The following MYO1E variants were observed in gnomAD, a reference collection of about 807,000 sequenced individuals.
The protein encoded by MYO1E is myosin IE, also known as unconventional myosin-Ie.
MYO1E carries 68 observed loss-of-function variants against 151.1 expected under a neutral mutation model. That is an observed-to-expected ratio of 0.45 (90% confidence interval 0.37 to 0.55). The LOEUF (loss-of-function observed/expected upper bound fraction) is 0.55, where lower values mean the gene tolerates loss of function less well. Ranked by LOEUF, MYO1E falls within the 20% of genes least tolerant of loss-of-function variation. The pLI is 0.00. For missense variants in MYO1E, 1,363 were observed against 1,389.3 expected, an observed-to-expected ratio of 0.98 and a Z score of 0.30; for synonymous variants, 601 against 501.7, an observed-to-expected ratio of 1.20 and a Z score of -2.64.
At chr15:59,217,346 A>T (rs62004155) in intron 10 of MYO1E, among the ~76,000 whole-genome samples, 8,054 of 151,944 alleles carry the variant, frequency 0.053, 275 homozygotes, top group Non-Finnish European at 0.079. Flanking sequence ...GCTTTACTAA[A>T]TATTTTGTCC....
chr15:59,178,249 A>C lies in MYO1E; in HGVS notation c.2049+144T>G, dbSNP rs1288051652. 18 of 1,014,258 alleles carry C rather than the reference A, an allele frequency of 1.8e-5. No homozygotes were observed. The East Asian group carries it at 4.6e-4, about 26-fold the overall frequency. The allele number at this position is 1,014,258 out of a possible 1,614,324, so 62.8% of individuals were successfully genotyped here. On this transcript the variant is annotated intron_variant, in intron 19 of 27. Transcript: ENST00000288235. ...GTTTAGGGAAGGACCCACTTAGACC[A>C]GGAAGGGAGGGAAGGCTTCTTTGAG...
intron 26 of MYO1E, among the ~76,000 whole-genome samples, chr15:59,149,551 G>A (rs1281524855): frequency 2.0e-5 from 3 of 152,176 alleles, no homozygotes; most frequent in African/African-American, 7.2e-5. Context: ...GCAATGAAAG[G>A]GTAAAGAATC....
chr15:59,356,734 C>T (rs184657839), intron 1 of MYO1E, among the ~76,000 whole-genome samples: 1 of 152,122 alleles, frequency 6.6e-6, no homozygotes, highest in East Asian at 1.9e-4. Flanking sequence ...TGTAACACCA[C>T]AACCGGCTAT....
chr15:59,164,046 G>C (rs572432512), intron 22 of MYO1E, among the ~76,000 whole-genome samples: 6 of 152,358 alleles, frequency 3.9e-5, no homozygotes, highest in African/African-American at 9.6e-5. Context: ...AGGGGAGCAG[G>C]TGTTACAAGC....
At chr15:59,284,495 G>C (rs1192258096) in intron 1 of MYO1E, among the ~76,000 whole-genome samples, 1 of 151,620 alleles carries the variant, frequency 6.6e-6, no homozygotes. Context: ...TGTCACCCAG[G>C]CTGGAGTGCT....
intron 10 of MYO1E, 111 bp downstream of exon 10, chr15:59,217,779 TG>T: frequency 8.3e-7 from 1 of 1,198,532 alleles, no homozygotes; most frequent in Non-Finnish European, 1.2e-6. Flanking sequence ...CCTCCCACCT[TG>T]GCCTCTCAAA....
chr15:59,205,321 C>T (rs2079826310), intron 15 of MYO1E, 79 bp downstream of exon 15: 2 of 1,383,412 alleles, frequency 1.4e-6, no homozygotes, highest in African/African-American at 1.4e-5. Context: ...CACCACCACA[C>T]CCAGCTCATA....
chr15:59,272,784 C>G (rs534018268), intron 1 of MYO1E, among the ~76,000 whole-genome samples: 9 of 152,278 alleles, frequency 5.9e-5, no homozygotes, highest in Non-Finnish European at 1.2e-4. Flanking sequence ...TAAACAGTGT[C>G]AGGAATACAG....
At chr15:59,323,168 C>CAAAA (rs10569332) in intron 1 of MYO1E, among the ~76,000 whole-genome samples, 89 of 63,650 alleles carry the variant, frequency 1.4e-3, no homozygotes, top group African/African-American at 2.7e-3. Context: ...GACCCCATCA[C>CAAAA]AAAAAAAAAA....
chr15:59,312,551 T>C (rs1442182159), intron 1 of MYO1E, among the ~76,000 whole-genome samples: 2 of 152,180 alleles, frequency 1.3e-5, no homozygotes, highest in Non-Finnish European at 1.5e-5. Flanking sequence ...TCACCCTGGC[T>C]GTTACAATGG....
At position 59,233,372 on chromosome 15, in the gene MYO1E, G is replaced by A. The variant is rs187327858; in HGVS notation, c.421-1581C>T. ...AGAGAAAGAGCAAACTGAGGTAAAA[G>A]AGTAGCCCATCGGCCGGGCGCGGTG... On this transcript the variant is annotated intron_variant, in intron 5 of 27. Transcript: ENST00000288235. 3.9e-5 allele frequency among the ~76,000 whole-genome samples: 6 copies of A among 152,196 alleles called. No individual in the cohort carries two copies. The East Asian group carries it at 1.2e-3, about 29-fold the overall frequency.
intron 1 of MYO1E, among the ~76,000 whole-genome samples, chr15:59,356,211 G>C (rs1192899647): frequency 6.6e-6 from 1 of 152,172 alleles, no homozygotes; most frequent in Non-Finnish European, 1.5e-5. Context: ...CTGCCTTCCA[G>C]GGACAAGCCA....
At chr15:59,154,315 G>T (rs1232202376) in intron 25 of MYO1E, among the ~76,000 whole-genome samples, 1 of 152,020 alleles carries the variant, frequency 6.6e-6, no homozygotes, top group African/African-American at 2.4e-5. Context: ...TGAGGCAGAG[G>T]GGGTGCTCTA....
chr15:59,177,581 G>A lies in MYO1E; in HGVS notation c.2049+812C>T, dbSNP rs568684205. 4.6e-5 allele frequency among the ~76,000 whole-genome samples: 7 copies of A among 152,234 alleles called. No individual in the cohort carries two copies. The Middle Eastern group carries it at 0.01, about 222-fold the overall frequency. On this transcript the variant is annotated intron_variant, in intron 19 of 27. Coordinates refer to ENST00000288235, the MANE Select transcript of MYO1E (RefSeq NM_004998.4). ...TTGAGAAACGATGATGCTGAGCCTC[G>A]GTTCCAGCAGTTTCTCCAGCTTAAA...
At chr15:59,307,619 G>C (rs577037340) in intron 1 of MYO1E, among the ~76,000 whole-genome samples, 164 of 140,852 alleles carry the variant, frequency 1.2e-3, no homozygotes, top group Non-Finnish European at 1.4e-3. Flanking sequence ...TTTTGGTTTT[G>C]GTTTTTTTAA....
intron 1 of MYO1E, among the ~76,000 whole-genome samples, chr15:59,364,947 A>G (rs1243297633): frequency 4.6e-5 from 7 of 152,186 alleles, no homozygotes; most frequent in African/African-American, 1.7e-4. Context: ...GCATTTGAAC[A>G]GACTGAAAGG....
chr15:59,360,470 A>C (rs1864426459), intron 1 of MYO1E, among the ~76,000 whole-genome samples: 1 of 152,190 alleles, frequency 6.6e-6, no homozygotes, highest in African/African-American at 2.4e-5. Flanking sequence ...CCACCTTGGA[A>C]GGCCTGCATT....
intron 1 of MYO1E, among the ~76,000 whole-genome samples, chr15:59,274,999 A>G (rs2080309608): frequency 6.6e-6 from 1 of 152,196 alleles, no homozygotes; most frequent in South Asian, 2.1e-4. Context: ...TGATTTGTGG[A>G]GGGTGTTCTA....
intron 1 of MYO1E, among the ~76,000 whole-genome samples, chr15:59,305,233 G>A (rs541047498): frequency 5.9e-5 from 9 of 152,154 alleles, no homozygotes; most frequent in South Asian, 2.1e-4. Flanking sequence ...TCACTCTGTC[G>A]CCCAGGTTGG....
Sources: gnomAD v4.1 joint callset for allele counts (sites outside exome capture counted in the v4.1 genomes callset) on GRCh38, gnomAD v4.1.1 for gene constraint, MANE v1.5 for transcripts, NCBI Gene and HGNC (gene_info 2026-07-23, HGNC 2026-07-21) for gene names.